FBRSL1: variants seen among roughly 807,000 people sequenced by gnomAD.
FBRSL1 encodes the protein fibrosin like 1.
Under a neutral mutation model 89.6 loss-of-function variants are expected in FBRSL1, and 51 were observed. The observed-to-expected ratio is 0.57, with a 90% confidence interval of 0.45 to 0.72. The LOEUF (loss-of-function observed/expected upper bound fraction) is 0.72. Among genes scored for constraint, FBRSL1 ranks in the 30% least tolerant of loss-of-function variants. The pLI is 0.00. For synonymous variants in FBRSL1, 779 were observed against 681.1 expected (o/e 1.14, Z -2.24); for missense variants, 1,618 against 1,451.8 (o/e 1.11, Z -1.86).
rs184499274 is a variant in FBRSL1 at position 132,558,005 on chromosome 12, C to T, written c.646-9476C>T. Reference sequence around the variant, plus strand: ...AGGAAGGGGCTGAGCTAGGGTTCTGCCTGAGTCTGTCTTCTCTCCTCCCCT... The same window carrying T: ...AGGAAGGGGCTGAGCTAGGGTTCTGTCTGAGTCTGTCTTCTCTCCTCCCCT... On this transcript the variant is annotated intron_variant, in intron 5 of 18. Coordinates refer to ENST00000680143, the MANE Select transcript of FBRSL1 (RefSeq NM_001367871.1). Among the ~76,000 whole-genome samples, 20 of 151,924 alleles carry T rather than the reference C, an allele frequency of 1.3e-4. No homozygotes were observed. In the East Asian group the frequency reaches 3.9e-3, roughly 29 times the overall value.
chr12:132,536,642 T>G (rs1253212920), intron 4 of FBRSL1, among the ~76,000 whole-genome samples: 1 of 151,098 alleles, frequency 6.6e-6, no homozygotes, highest in Non-Finnish European at 1.5e-5. Context: ...ATGGTGTGAG[T>G]GCACGTGTAC....
At position 132,584,008 on chromosome 12, in the gene FBRSL1, C is replaced by T. The variant is rs1484180010; in HGVS notation, c.*230C>T. The T allele has an allele frequency of 8.1e-6, 2 of 247,186 alleles. No homozygotes were observed. The highest frequency in any genetic ancestry group is 1.5e-5 in the Non-Finnish European group (2 of 129,308). The allele number at this position is 247,186 out of a possible 1,614,324, so 15.3% of individuals were successfully genotyped here. A position where few individuals can be genotyped will look rare whatever the true frequency, so the allele number is the denominator to read the frequency against. On this transcript the variant is annotated 3_prime_UTR_variant, in exon 19 of 19. Transcript: ENST00000680143. ...AAATCGCGTTTGTACCTTTTCCCCC[C>T]ACAGATGAGAAGTGTTTGTAATGGA...
intron 9 of FBRSL1, chr12:132,571,647 CCT>C (rs1443686720): frequency 1.3e-5 from 9 of 679,166 alleles, no homozygotes; most frequent in African/African-American, 3.9e-5. Context: ...GCCGGCGGCA[CCT>C]CTCTGTCGTC....
intron 9 of FBRSL1, chr12:132,571,654 G>C: frequency 3.2e-6 from 2 of 620,442 alleles, no homozygotes; most frequent in Non-Finnish European, 4.7e-6. Context: ...GCACCTCTCT[G>C]TCGTCTGTCC....
intron 1 of FBRSL1, among the ~76,000 whole-genome samples, chr12:132,505,207 G>A (rs973090936): frequency 6.6e-6 from 1 of 152,240 alleles, no homozygotes. Flanking sequence ...ACACGATGAA[G>A]TGGGTGAGCG....
At chr12:132,557,931 G>A (rs867339555) in intron 5 of FBRSL1, among the ~76,000 whole-genome samples, 28 of 152,260 alleles carry the variant, frequency 1.8e-4, no homozygotes, top group Middle Eastern at 6.8e-3. Flanking sequence ...CCCAGAGCAG[G>A]GCCTGGAAGA....
intron 4 of FBRSL1, among the ~76,000 whole-genome samples, chr12:132,533,188 T>C (rs1593374931): frequency 6.9e-6 from 1 of 145,154 alleles, no homozygotes; most frequent in East Asian, 2.1e-4. Context: ...ACCCAGCCTC[T>C]CCCTGGAGTC....
chr12:132,510,943 C>T (rs1221068398), intron 2 of FBRSL1: 5 of 993,840 alleles, frequency 5.0e-6, no homozygotes, highest in African/African-American at 3.5e-5. Context: ...CTGGTGTGTG[C>T]GTGCTGTGTG....
intron 5 of FBRSL1, among the ~76,000 whole-genome samples, chr12:132,556,498 C>CCG (rs2038651605): frequency 7.6e-6 from 1 of 131,368 alleles, no homozygotes; most frequent in Non-Finnish European, 1.6e-5. Context: ...CGTGCTGCAC[C>CCG]CCAACCCCTG....
Position 132,490,813 on chromosome 12 carries a change from C to T in FBRSL1, c.243C>T (p.Val81=). ...AGTCCAGCTCGCAGGAGGAGGAGGT[C>T]ATCGACGGCTTCGCCATCGCCAGCT... ...RRESSSQEEE[V]IDGFAIASFS... The change falls in exon 1 of 19, where the codon GTC becomes GTT. Residue 81 remains valine, a synonymous_variant. Transcript: ENST00000680143. 1 of 1,407,272 alleles carries T rather than the reference C, an allele frequency of 7.1e-7. No homozygotes were observed. Among genetic ancestry groups the T allele is most frequent in the Non-Finnish European group, 9.3e-7 (1 of 1,075,608 alleles). 87.2% of individuals were successfully genotyped at this position (1,407,272 alleles called of 1,614,324 possible).
intron 12 of FBRSL1, 55 bp from the exon 13 acceptor site, chr12:132,574,264 C>T: frequency 6.8e-7 from 1 of 1,476,412 alleles, no homozygotes; most frequent in Non-Finnish European, 9.0e-7. Flanking sequence ...CCTGCACCCC[C>T]AGGACTCAGC....
At chr12:132,523,479 G>A (rs554332630) in intron 2 of FBRSL1, among the ~76,000 whole-genome samples, 32 of 152,074 alleles carry the variant, frequency 2.1e-4, no homozygotes, top group South Asian at 6.2e-4. Flanking sequence ...TTCCATCTGC[G>A]CCCAGCCCTG....
At chr12:132,498,463 G>T (rs2032422656) in intron 1 of FBRSL1, among the ~76,000 whole-genome samples, 1 of 152,190 alleles carries the variant, frequency 6.6e-6, no homozygotes, top group African/African-American at 2.4e-5. Flanking sequence ...ACCCCTCCCG[G>T]CCCCTAGCCC....
At chr12:132,559,765 T>C (rs1225201423) in intron 5 of FBRSL1, among the ~76,000 whole-genome samples, 1 of 152,136 alleles carries the variant, frequency 6.6e-6, no homozygotes, top group Non-Finnish European at 1.5e-5. Flanking sequence ...CTTCTTGTTG[T>C]GAGGACCAGA....
At chr12:132,502,128 G>A (rs76785852) in intron 1 of FBRSL1, among the ~76,000 whole-genome samples, 1,694 of 152,312 alleles carry the variant, frequency 0.011, 28 homozygotes, top group African/African-American at 0.038. Context: ...ATCCTGATGC[G>A]TCCTCATGCC....
At chr12:132,506,317 A>C (rs1340956702) in intron 1 of FBRSL1, among the ~76,000 whole-genome samples, 1 of 152,222 alleles carries the variant, frequency 6.6e-6, no homozygotes, top group Non-Finnish European at 1.5e-5. Flanking sequence ...TGGTAAATTT[A>C]AACAATTTGC....
chr12:132,576,840 G>A lies in FBRSL1; in HGVS notation c.1743G>A (p.Lys581=). Residue 581 remains lysine, a synonymous_variant, in exon 15 of 19, where the codon AAG becomes AAA. Coordinates refer to ENST00000680143, the MANE Select transcript of FBRSL1 (RefSeq NM_001367871.1). The stretch of plus-strand genomic sequence containing the variant: ...CCCACAAGCTGGAGGTGGGTGCAAA[G>A]CTGGACCTGTTCGGCAGACCCCCTG... ...LDPHKLEVGA[K]LDLFGRPPAP... The A allele has an allele frequency of 1.5e-5, 24 of 1,551,006 alleles. No homozygotes were observed. The highest frequency in any genetic ancestry group is 2.1e-5 in the Non-Finnish European group (24 of 1,146,926).
At chr12:132,544,055 A>G (rs1460134767) in intron 4 of FBRSL1, among the ~76,000 whole-genome samples, 1 of 152,228 alleles carries the variant, frequency 6.6e-6, no homozygotes, top group African/African-American at 2.4e-5. Flanking sequence ...AGGAAGGAAC[A>G]GAGCCCAGTG....
intron 4 of FBRSL1, among the ~76,000 whole-genome samples, chr12:132,538,927 G>A (rs1201017540): frequency 6.6e-6 from 1 of 152,146 alleles, no homozygotes; most frequent in Non-Finnish European, 1.5e-5. Context: ...CAGTGTGGCG[G>A]GGCCCTGACC....
Sources: allele counts gnomAD v4.1 joint callset (sites outside exome capture counted in the v4.1 genomes callset), GRCh38; gene constraint gnomAD v4.1.1; transcripts MANE v1.5; gene names NCBI Gene and HGNC (gene_info 2026-07-23, HGNC 2026-07-21).